ARHGAP15: variants seen among roughly 807,000 people sequenced by gnomAD.
ARHGAP15 encodes the protein Rho GTPase activating protein 15.
ARHGAP15 carries 51 observed loss-of-function variants against 63.7 expected under a neutral mutation model. The ratio of observed to expected loss-of-function variants is 0.80; its 90% confidence interval spans 0.64 to 1.01. The LOEUF (loss-of-function observed/expected upper bound fraction) is 1.01, where lower values mean the gene tolerates loss of function less well. Ranked by LOEUF, ARHGAP15 falls within the 50% of genes least tolerant of loss-of-function variation. The probability of loss-of-function intolerance (pLI) is 0.00; values close to 1 mark genes in which losing one functional copy is unlikely to be tolerated. For missense variants in ARHGAP15, 560 were observed against 564.6 expected, an observed-to-expected ratio of 0.99 and a Z score of 0.08; for synonymous variants, 191 against 193.8, an observed-to-expected ratio of 0.99 and a Z score of 0.12.
At chr2:143,384,644 T>C (rs916973235) in intron 6 of ARHGAP15, among the ~76,000 whole-genome samples, 24 of 152,260 alleles carry the variant, frequency 1.6e-4, no homozygotes, top group African/African-American at 5.8e-4. Context: ...AAAAGAGATT[T>C]GGATATTCAA....
intron 13 of ARHGAP15, among the ~76,000 whole-genome samples, chr2:143,749,162 A>G (rs1301268661): frequency 6.6e-6 from 1 of 152,190 alleles, no homozygotes; most frequent in Non-Finnish European, 1.5e-5. Flanking sequence ...AATGTAAAAA[A>G]TAAGTACCAC....
intron 13 of ARHGAP15, among the ~76,000 whole-genome samples, chr2:143,727,841 G>C (rs1685352449): frequency 6.6e-6 from 1 of 152,092 alleles, no homozygotes. Context: ...CCTAAATCTG[G>C]TGCTTATTTT....
intron 11 of ARHGAP15, among the ~76,000 whole-genome samples, chr2:143,562,214 A>G (rs1450905733): frequency 1.3e-5 from 2 of 152,236 alleles, no homozygotes; most frequent in African/African-American, 2.4e-5. Context: ...TAACTTTAGT[A>G]GCTATCCCTG....
At chr2:143,594,499 G>A (rs188093787) in intron 11 of ARHGAP15, among the ~76,000 whole-genome samples, 290 of 152,266 alleles carry the variant, frequency 1.9e-3, no homozygotes, top group Non-Finnish European at 3.5e-3. Flanking sequence ...TCCCAGTTTG[G>A]AATATAGATG....
At chr2:143,709,066 T>C (rs184737373) in intron 13 of ARHGAP15, among the ~76,000 whole-genome samples, 38 of 152,360 alleles carry the variant, frequency 2.5e-4, no homozygotes, top group African/African-American at 8.9e-4. Flanking sequence ...TTTGTTGTCA[T>C]GACTATTAGT....
chr2:143,360,220 A>C (rs377277357), intron 6 of ARHGAP15, among the ~76,000 whole-genome samples: 15 of 85,190 alleles, frequency 1.8e-4, no homozygotes, highest in South Asian at 2.9e-4. Flanking sequence ...ACAAGGAATT[A>C]AAAAAAAAAA....
At chr2:143,350,219 AT>A in intron 6 of ARHGAP15, among the ~76,000 whole-genome samples, 1 of 152,164 alleles carries the variant, frequency 6.6e-6, no homozygotes, top group East Asian at 1.9e-4. Context: ...TTTTCAGCAT[AT>A]TTTTTAAAAA....
intron 12 of ARHGAP15, among the ~76,000 whole-genome samples, chr2:143,701,500 A>G (rs550716203): frequency 6.6e-6 from 1 of 152,298 alleles, no homozygotes; most frequent in Non-Finnish European, 1.5e-5. Flanking sequence ...TAAGGAGGCC[A>G]AGGCAGAATG....
chr2:143,306,333 G>T (rs772153484), intron 6 of ARHGAP15, among the ~76,000 whole-genome samples: 3 of 152,114 alleles, frequency 2.0e-5, no homozygotes, highest in Admixed American at 6.6e-5. Flanking sequence ...CCTGCTTAGA[G>T]GAGAGTAAAC....
At chr2:143,317,826 G>C (rs905153428) in intron 6 of ARHGAP15, among the ~76,000 whole-genome samples, 1 of 152,196 alleles carries the variant, frequency 6.6e-6, no homozygotes, top group African/African-American at 2.4e-5. Flanking sequence ...ATCCGAAGCG[G>C]AAAGAATAGC....
intron 11 of ARHGAP15, among the ~76,000 whole-genome samples, chr2:143,558,579 C>T (rs1695901350): frequency 6.6e-6 from 1 of 152,172 alleles, no homozygotes; most frequent in African/African-American, 2.4e-5. Flanking sequence ...AAATAGGATA[C>T]TGGCTGAAAT....
chr2:143,700,749 G>A (rs1214132464), intron 12 of ARHGAP15, among the ~76,000 whole-genome samples: 3 of 152,102 alleles, frequency 2.0e-5, no homozygotes, highest in Non-Finnish European at 4.4e-5. Context: ...TGTGGTATTA[G>A]CTTCAAACGG....
intron 8 of ARHGAP15, among the ~76,000 whole-genome samples, chr2:143,450,357 A>G (rs2105131509): frequency 6.6e-6 from 1 of 152,076 alleles, no homozygotes; most frequent in Admixed American, 6.6e-5. Flanking sequence ...TTATGGAATC[A>G]TAAGAAGCAG....
chr2:143,265,367 T>C (rs1190523569), intron 6 of ARHGAP15, among the ~76,000 whole-genome samples: 1 of 152,032 alleles, frequency 6.6e-6, no homozygotes, highest in East Asian at 1.9e-4. Context: ...AATCTAAACA[T>C]AGTCTAAAAG....
At chr2:143,338,836 C>G (rs978432764) in intron 6 of ARHGAP15, among the ~76,000 whole-genome samples, 2 of 152,044 alleles carry the variant, frequency 1.3e-5, no homozygotes, top group African/African-American at 4.8e-5. Flanking sequence ...GTTGCTTACC[C>G]TTTACAAGCT....
At chr2:143,239,755 C>T (rs999064799) in intron 5 of ARHGAP15, among the ~76,000 whole-genome samples, 25 of 151,964 alleles carry the variant, frequency 1.6e-4, no homozygotes, top group African/African-American at 6.0e-4. Flanking sequence ...CTTTGGGAGC[C>T]CAAGGCAGGT....
intron 11 of ARHGAP15, among the ~76,000 whole-genome samples, chr2:143,592,160 A>G (rs1697346615): frequency 6.6e-6 from 1 of 152,124 alleles, no homozygotes; most frequent in Non-Finnish European, 1.5e-5. Context: ...TAAACAATTC[A>G]TTTTTAAAAT....
intron 2 of ARHGAP15, among the ~76,000 whole-genome samples, chr2:143,165,943 G>GAAGAAAGAGAGAAAGAAAGA (rs1553442817): frequency 6.5e-5 from 6 of 92,570 alleles, no homozygotes; most frequent in South Asian, 3.4e-4. Context: ...GAAAAGAAAA[G>GAAGAAAGAGAGAAAGAAAGA]AAGAAAGAAA....
chr2:143,696,388 A>T (rs1260492266), intron 12 of ARHGAP15, among the ~76,000 whole-genome samples: 1 of 149,724 alleles, frequency 6.7e-6, no homozygotes, highest in Non-Finnish European at 1.5e-5. Context: ...TATATATATA[A>T]TTTCTTAAGA....
Sources: gnomAD v4.1 joint callset for allele counts (sites outside exome capture counted in the v4.1 genomes callset) on GRCh38, gnomAD v4.1.1 for gene constraint, MANE v1.5 for transcripts, NCBI Gene and HGNC (gene_info 2026-07-23, HGNC 2026-07-21) for gene names.